RAB9B: variants seen among roughly 807,000 people sequenced by gnomAD.
The protein encoded by RAB9B is ras-related protein Rab-9B.
A neutral mutation model predicts 8.9 loss-of-function variants in RAB9B; 1 was observed. The observed-to-expected ratio is 0.11, with a 90% confidence interval of 0.04 to 0.53. RAB9B has a LOEUF of 0.53. RAB9B is among the 20% of genes least tolerant of loss of function. RAB9B has a pLI of 0.93. For missense variants in RAB9B, 82 were observed against 152.9 expected (o/e 0.54, Z 2.45); for synonymous variants, 63 against 57.0 (o/e 1.10, Z -0.47).
chrX:103,807,126 C>T, the RAB9B span, among the ~76,000 whole-genome samples: 1 of 111,850 alleles, frequency 8.9e-6, no homozygotes, highest in African/African-American at 3.2e-5. Flanking sequence ...CCAAACACTC[C>T]TAAAACGAGA....
the RAB9B span, among the ~76,000 whole-genome samples, chrX:103,810,767 AT>A: frequency 1.8e-5 from 2 of 111,472 alleles, no homozygotes; most frequent in African/African-American, 6.5e-5. Context: ...TCCTTTCACA[AT>A]AGATCCCCAT....
chrX:103,807,919 A>G, the RAB9B span, among the ~76,000 whole-genome samples: 1 of 112,283 alleles, frequency 8.9e-6, no homozygotes, highest in East Asian at 2.8e-4. Flanking sequence ...CTGAGCACTG[A>G]GCAGTCATAG....
the RAB9B span, among the ~76,000 whole-genome samples, chrX:103,811,853 A>G: frequency 9.0e-6 from 1 of 111,098 alleles, no homozygotes. Flanking sequence ...AGGCTGGGAA[A>G]GAGCCTTCAA....
chrX:103,807,428 A>T, the RAB9B span, among the ~76,000 whole-genome samples: 1 of 111,508 alleles, frequency 9.0e-6, no homozygotes, highest in African/African-American at 3.3e-5. Context: ...AAGCAAGCAC[A>T]GTCAGTGATT....
chrX:103,821,488 A>G (rs2074660622), downstream of RAB9B, among the ~76,000 whole-genome samples: 1 of 111,884 alleles, frequency 8.9e-6, no homozygotes, highest in South Asian at 3.7e-4. Flanking sequence ...TAATGAAACT[A>G]TATATGCTGT....
the RAB9B span, among the ~76,000 whole-genome samples, chrX:103,777,170 C>A: frequency 8.9e-6 from 1 of 112,167 alleles, no homozygotes; most frequent in Non-Finnish European, 1.9e-5. Context: ...CTCCGCTGTA[C>A]TAAGCATGAT....
the RAB9B span, among the ~76,000 whole-genome samples, chrX:103,808,651 A>G: frequency 1.8e-5 from 2 of 112,878 alleles, no homozygotes; most frequent in Non-Finnish European, 3.8e-5. Context: ...CCACCTTCTC[A>G]TGATTCTGTA....
At chrX:103,786,000 C>G in the RAB9B span, 3 of 392,708 alleles carry the variant, frequency 7.6e-6, no homozygotes, top group Admixed American at 4.7e-5. Flanking sequence ...CCCTTGTTTT[C>G]TTACACGTGT....
the RAB9B span, among the ~76,000 whole-genome samples, chrX:103,816,603 C>T: frequency 8.9e-6 from 1 of 112,089 alleles, no homozygotes; most frequent in Non-Finnish European, 1.9e-5. Flanking sequence ...AACTAAAGAG[C>T]TTCTGCACAG....
the RAB9B span, chrX:103,781,437 G>A: frequency 9.1e-6 from 2 of 220,639 alleles, no homozygotes; most frequent in Admixed American, 8.5e-5. Context: ...TACAAATGTA[G>A]CCAACCATGA....
the RAB9B span, chrX:103,786,768 G>A: frequency 1.7e-6 from 2 of 1,189,692 alleles, no homozygotes; most frequent in Non-Finnish European, 2.3e-6. Context: ...AAGGGGTGGG[G>A]GAAAATTGGG....
the RAB9B span, among the ~76,000 whole-genome samples, chrX:103,779,303 C>T: frequency 4.5e-5 from 5 of 112,340 alleles, no homozygotes; most frequent in Non-Finnish European, 7.5e-5. Context: ...ACTGTGATGC[C>T]TCCATCCAAA....
the RAB9B span, among the ~76,000 whole-genome samples, chrX:103,814,802 A>G: frequency 3.2e-4 from 36 of 112,245 alleles, no homozygotes; most frequent in African/African-American, 1.1e-3. Flanking sequence ...AGAGAATACT[A>G]TAACACCTCT....
the RAB9B span, among the ~76,000 whole-genome samples, chrX:103,777,962 A>G: frequency 4.0e-4 from 45 of 112,665 alleles, no homozygotes; most frequent in Admixed American, 1.6e-3. Flanking sequence ...GACAACATCC[A>G]CAGAGATCAA....
the RAB9B span, chrX:103,789,418 T>A: frequency 2.6e-6 from 3 of 1,137,742 alleles, no homozygotes; most frequent in Non-Finnish European, 2.4e-6. Context: ...CTTTGAATGA[T>A]CTTGGCAAGT....
At chrX:103,786,111 G>C in the RAB9B span, 3 of 1,081,888 alleles carry the variant, frequency 2.8e-6, no homozygotes, top group Admixed American at 5.7e-5. Flanking sequence ...CCTGTTCCTA[G>C]AACAAGTTAG....
the RAB9B span, chrX:103,785,574 T>C: frequency 2.5e-6 from 3 of 1,204,172 alleles, no homozygotes; most frequent in Non-Finnish European, 3.4e-6. Context: ...CCCCTTCTTC[T>C]TCCCCAGGCT....
chrX:103,786,172 G>A, the RAB9B span: 1 of 1,119,578 alleles, frequency 8.9e-7, no homozygotes, highest in Non-Finnish European at 1.2e-6. Flanking sequence ...CTACTCCTGT[G>A]AGTTAGCATG....
chrX:103,800,102 G>A, the RAB9B span, among the ~76,000 whole-genome samples: 29,791 of 110,821 alleles, frequency 0.27, 3,063 homozygotes, highest in Admixed American at 0.34. Flanking sequence ...TCAGTGACCT[G>A]TATTAAGGAC....
Sources: allele counts gnomAD v4.1 joint callset (sites outside exome capture counted in the v4.1 genomes callset), GRCh38; gene constraint gnomAD v4.1.1; transcripts MANE v1.5; gene names NCBI Gene and HGNC (gene_info 2026-07-23, HGNC 2026-07-21).